Variants in EPB41L3 observed in about 807,000 individuals in gnomAD.
EPB41L3 encodes band 4.1-like protein 3.
In EPB41L3, 57 loss-of-function variants were observed where a neutral mutation model predicts 127.1. That is an observed-to-expected ratio of 0.45 (90% CI 0.36 to 0.56). The LOEUF is 0.56. Ranked by LOEUF, EPB41L3 falls within the 20% of genes least tolerant of loss-of-function variation. The pLI is 0.00. For synonymous variants in EPB41L3, 572 were observed against 549.5 expected (o/e 1.04, Z -0.57); for missense variants, 1,273 against 1,372.2 (o/e 0.93, Z 1.14).
rs1210642306 is a variant in EPB41L3 at position 5,397,546 on chromosome 18, C to A, written c.2473-120G>T. ...AGCAGCAAGTGCTTATAACCAGAAA[C>A]ACTGACGAAAAATATAAATTAGCTT... is the stretch of plus-strand genomic sequence containing the variant. On this transcript the variant is annotated intron_variant, in intron 17 of 22. Coordinates refer to ENST00000341928, the MANE Select transcript of EPB41L3 (RefSeq NM_012307.5). This position sits in a 1 kb window ranked among gnomAD's most constrained non-coding sequence, Gnocchi z 4.1. 3 of 1,215,882 alleles carry A rather than the reference C, an allele frequency of 2.5e-6. No individual in the cohort carries two copies. Among genetic ancestry groups the A allele is most frequent in the Non-Finnish European group, 3.4e-6 (3 of 881,926 alleles). 75.3% of individuals were successfully genotyped at this position (1,215,882 alleles called of 1,614,324 possible).
chr18:5,419,932 C>T, intron 11 of EPB41L3, 55 bp from the exon 12 acceptor site: 1 of 1,613,172 alleles, frequency 6.2e-7, no homozygotes. Flanking sequence ...TTCACTGATG[C>T]TAAAAGCAAA....
Position 5,597,963 on chromosome 18 carries a change from A to C in EPB41L3, c.-306+14377T>G, listed in dbSNP as rs533212538. On this transcript the variant is annotated intron_variant, in intron 3 of 21. Transcript: ENST00000545076. ...CGTGTTTGAGTGCTCTCTCTGTCCC[A>C]GATCCTGCATGCACAATGTTTCTAA... Among the ~76,000 whole-genome samples, 6 of 152,322 alleles carry C rather than the reference A, an allele frequency of 3.9e-5. No individual in the cohort carries two copies. In the East Asian group the frequency reaches 9.6e-4, roughly 24 times the overall value.
chr18:5,458,792 C>T lies in EPB41L3; in HGVS notation c.382-13548G>A, dbSNP rs1235996121. On this transcript the variant is annotated intron_variant, in intron 3 of 22. Transcript: ENST00000341928. ...GACTAACAGTTAATAATCCTATAAA[C>T]GAAATGAACTAATTGACATAACTGG... 3.9e-5 allele frequency among the ~76,000 whole-genome samples: 6 copies of T among 152,090 alleles called. No individual in the cohort carries two copies. In the South Asian group the frequency reaches 8.3e-4, roughly 21 times the overall value.
intron 3 of EPB41L3, among the ~76,000 whole-genome samples, chr18:5,468,673 C>T (rs1210729252): frequency 6.6e-6 from 1 of 152,142 alleles, no homozygotes; most frequent in African/African-American, 2.4e-5. Context: ...AAAAGAGCTA[C>T]CCGCAGAGGC....
chr18:5,459,570 TTTCA>T, intron 3 of EPB41L3, among the ~76,000 whole-genome samples: 1 of 152,314 alleles, frequency 6.6e-6, no homozygotes, highest in Admixed American at 6.5e-5. Flanking sequence ...TTTTTAAATC[TTTCA>T]TTAATTAAAA....
chr18:5,595,600 A>C (rs2094528814), intron 3 of EPB41L3, among the ~76,000 whole-genome samples: 2 of 152,174 alleles, frequency 1.3e-5, no homozygotes, highest in Non-Finnish European at 2.9e-5. Context: ...CCACTTCTGC[A>C]GTAATTGTGT....
chr18:5,435,315 T>C (rs1179861071), intron 6 of EPB41L3, among the ~76,000 whole-genome samples: 2 of 152,204 alleles, frequency 1.3e-5, no homozygotes, highest in African/African-American at 4.8e-5. Context: ...TGTACAGTAA[T>C]GTCCTGGGCC....
intron 14 of EPB41L3, among the ~76,000 whole-genome samples, chr18:5,408,686 A>G (rs917785066): frequency 2.0e-5 from 3 of 152,042 alleles, no homozygotes; most frequent in Non-Finnish European, 4.4e-5. Flanking sequence ...ACTATTAACA[A>G]CAGCATGATT....
At chr18:5,517,292 C>T (rs560617668) in intron 1 of EPB41L3, among the ~76,000 whole-genome samples, 6 of 152,224 alleles carry the variant, frequency 3.9e-5, no homozygotes, top group Non-Finnish European at 7.3e-5. Flanking sequence ...CTCCCGCTTA[C>T]GTTCCTGGAG....
At chr18:5,488,607 A>ATAATAATAATAAT (rs2090180215) in intron 2 of EPB41L3, among the ~76,000 whole-genome samples, 1 of 151,824 alleles carries the variant, frequency 6.6e-6, no homozygotes, top group African/African-American at 2.4e-5. Flanking sequence ...AATAATAATA[A>ATAATAATAATAAT]AAGCAGATCT....
intron 3 of EPB41L3, among the ~76,000 whole-genome samples, chr18:5,586,403 GTT>G (rs10582883): frequency 0.013 from 1,790 of 135,490 alleles, 20 homozygotes; most frequent in African/African-American, 0.04. Context: ...TTTCTTTTTT[GTT>G]TTTTTTTTTT....
chr18:5,605,636 G>A (rs933470802), intron 3 of EPB41L3, among the ~76,000 whole-genome samples: 2 of 152,038 alleles, frequency 1.3e-5, no homozygotes, highest in Non-Finnish European at 2.9e-5. Context: ...TGTTGCCCAG[G>A]CTGGTCTCAA....
intron 3 of EPB41L3, among the ~76,000 whole-genome samples, chr18:5,472,691 T>C (rs2086386514): frequency 6.6e-6 from 1 of 152,092 alleles, no homozygotes; most frequent in East Asian, 1.9e-4. Context: ...GGTCAAGCAC[T>C]TCTAAAGGGG....
intron 3 of EPB41L3, among the ~76,000 whole-genome samples, chr18:5,578,949 AC>A (rs2094364022): frequency 6.6e-6 from 1 of 152,222 alleles, no homozygotes; most frequent in Non-Finnish European, 1.5e-5. Flanking sequence ...AGTTACAGTT[AC>A]CTTCAACAGT....
intron 2 of EPB41L3, among the ~76,000 whole-genome samples, chr18:5,484,108 A>AC (rs2089218812): frequency 7.0e-6 from 1 of 142,792 alleles, no homozygotes; most frequent in African/African-American, 2.6e-5. Context: ...AAAAAAAAAA[A>AC]AAAAAAAAAA....
At chr18:5,405,291 T>C (rs2075185527) in intron 16 of EPB41L3, among the ~76,000 whole-genome samples, 1 of 152,246 alleles carries the variant, frequency 6.6e-6, no homozygotes, top group South Asian at 2.1e-4. Flanking sequence ...GTTTTAATGT[T>C]CCATTCTGTG....
chr18:5,514,829 CAG>C (rs1300671430), intron 1 of EPB41L3, among the ~76,000 whole-genome samples: 2 of 152,202 alleles, frequency 1.3e-5, no homozygotes, highest in East Asian at 3.9e-4. Context: ...TTAGTGCTGA[CAG>C]GGTACAGCTG....
chr18:5,450,281 A>C (rs1420617301), intron 3 of EPB41L3, among the ~76,000 whole-genome samples: 4 of 152,146 alleles, frequency 2.6e-5, no homozygotes, highest in Admixed American at 1.3e-4. Flanking sequence ...GACATTATGT[A>C]TTTGTCAAAA....
At chr18:5,443,547 T>C (rs2081077146) in intron 5 of EPB41L3, among the ~76,000 whole-genome samples, 1 of 152,240 alleles carries the variant, frequency 6.6e-6, no homozygotes, top group Non-Finnish European at 1.5e-5. Context: ...TGTTGGAACA[T>C]TAATAATTCA....
Sources: allele counts gnomAD v4.1 joint callset (sites outside exome capture counted in the v4.1 genomes callset), GRCh38; gene constraint gnomAD v4.1.1; non-coding constraint Gnocchi (gnomAD v3.1); transcripts MANE v1.5; gene names NCBI Gene and HGNC (gene_info 2026-07-23, HGNC 2026-07-21).